The following RNASET2 variants were observed in gnomAD, a reference collection of about 807,000 sequenced individuals.
RNASET2 encodes ribonuclease T2.
A neutral mutation model predicts 33.9 loss-of-function variants in RNASET2; 28 were observed. That is an observed-to-expected ratio of 0.83 (90% confidence interval 0.61 to 1.13). The LOEUF (loss-of-function observed/expected upper bound fraction) is 1.13. RNASET2 is among the 50% of genes most tolerant of loss of function. RNASET2 has a pLI of 0.00. For synonymous variants in RNASET2, 123 were observed against 121.0 expected (o/e 1.02, Z -0.11); for missense variants, 330 against 319.9 (o/e 1.03, Z -0.24).
At chr6:166,943,297 A>G in intron 4 of RNASET2, 1 of 475,828 alleles carries the variant, frequency 2.1e-6, no homozygotes, top group Non-Finnish European at 3.9e-6. Flanking sequence ...AAAACTGCAC[A>G]CGAAAATACA....
At chr6:166,940,707 T>C (rs1200278262) in intron 5 of RNASET2, among the ~76,000 whole-genome samples, 1 of 152,126 alleles carries the variant, frequency 6.6e-6, no homozygotes, top group Non-Finnish European at 1.5e-5. Context: ...TTCATGGAGC[T>C]CACAGCATTC....
intron 7 of RNASET2, chr6:166,932,839 A>G (rs1172763017): frequency 1.3e-5 from 2 of 152,100 alleles, no homozygotes; most frequent in East Asian, 1.9e-4. Context: ...TCCCTCATCT[A>G]TTCGCACATG....
Position 166,939,030 on chromosome 6 carries a change from T to G in RNASET2, c.333-22A>C, listed in dbSNP as rs376170813. On this transcript the variant is annotated intron_variant, in intron 5 of 8. Transcript: ENST00000508775. The stretch of plus-strand genomic sequence containing the variant: ...CTTCCTGTGAGGATTAGGAAAAATC[T>G]CCACTTAAAAGTAGTGAAACAGGCT... The G allele has an allele frequency of 8.3e-6, 13 of 1,574,766 alleles. No individual in the cohort carries two copies. In the African/African-American group the frequency reaches 1.6e-4, roughly 20 times the overall value.
intron 1 of RNASET2, among the ~76,000 whole-genome samples, chr6:166,953,957 T>C (rs145470061): frequency 5.3e-5 from 8 of 151,572 alleles, no homozygotes; most frequent in African/African-American, 1.9e-4. Context: ...GTGAAAAACC[T>C]TATTTTACAT....
chr6:166,955,483 C>T, intron 1 of RNASET2: 5 of 986,842 alleles, frequency 5.1e-6, no homozygotes, highest in Non-Finnish European at 6.0e-6. Flanking sequence ...AGAGGAAGAA[C>T]CGTCGTTTCA....
intron 1 of RNASET2, chr6:166,955,410 C>G (rs1184732112): frequency 1.1e-5 from 7 of 636,290 alleles, no homozygotes; most frequent in Non-Finnish European, 1.1e-5. Context: ...CACACACACG[C>G]GCACACACAC....
At chr6:166,943,565 G>A in intron 4 of RNASET2, 1 of 331,060 alleles carries the variant, frequency 3.0e-6, no homozygotes, top group Non-Finnish European at 5.9e-6. Context: ...GGGGAGGTAT[G>A]GCTCAGGGGG....
At position 166,946,787 on chromosome 6, in the gene RNASET2, T is replaced by C. The variant is rs751770975; in HGVS notation, c.204-48A>G. 5.1e-6 allele frequency: 6 copies of C among 1,169,268 alleles called. No homozygotes were observed. The African/African-American group carries it at 9.1e-5, about 18-fold the overall frequency. The allele number at this position is 1,169,268 out of a possible 1,614,324, so 72.4% of individuals were successfully genotyped here. ...GAAAATAAGAAATATTAGGCTTGGTTGGGGTGGCTTCTACATGACCTTAGA... is the reference window on the plus strand; with the variant it reads ...GAAAATAAGAAATATTAGGCTTGGTCGGGGTGGCTTCTACATGACCTTAGA... On this transcript the variant is annotated intron_variant, in intron 3 of 8. Transcript: ENST00000508775.
At position 166,926,545 on chromosome 6, in the gene RNASET2, A is replaced by AG. The variant is rs981927635; in HGVS notation, c.*3042_*3043insC. Among the ~76,000 whole-genome samples, 3 of 148,390 alleles carry AG rather than the reference A, an allele frequency of 2.0e-5. No individual in the cohort carries two copies. Among genetic ancestry groups the AG allele is most frequent in the Non-Finnish European group, 4.4e-5 (3 of 67,678 alleles). On this transcript the variant is annotated 3_prime_UTR_variant, in exon 9 of 9. Coordinates refer to ENST00000508775, the MANE Select transcript of RNASET2 (RefSeq NM_003730.6). ...TGAGACTCAGTCTCAAAAAAAAAAA[A>AG]AAAGAAAAGAAAAGAAAAGATATCT...
At chr6:166,934,167 A>G (rs761898019) in intron 6 of RNASET2, 31 bp from the exon 7 acceptor site, 1 of 1,392,162 alleles carries the variant, frequency 7.2e-7, no homozygotes, top group South Asian at 1.2e-5. Flanking sequence ...AGTTAGCTGT[A>G]TAATGAAGGT....
rs1172482166 is a variant in RNASET2, at chr6:166,925,852, T to C, written c.*3736A>G. Among the ~76,000 whole-genome samples the C allele has an allele frequency of 6.6e-6, 1 of 152,060 alleles. No individual in the cohort carries two copies. Among genetic ancestry groups the C allele is most frequent in the Non-Finnish European group, 1.5e-5 (1 of 67,998 alleles). Reference sequence around the variant, plus strand: ...CGCGGAGAATCCAGGCACAAGGAAGTGCTAAGCAGAGCCCTCATGGGCTGT... The same window carrying C: ...CGCGGAGAATCCAGGCACAAGGAAGCGCTAAGCAGAGCCCTCATGGGCTGT... On this transcript the variant is annotated 3_prime_UTR_variant, in exon 9 of 9. Transcript: ENST00000508775.
chr6:166,948,600 G>A lies in RNASET2; in HGVS notation c.173C>T (p.Pro58Leu), dbSNP rs1258289810. Reference sequence around the variant, plus strand: ...TCCATGTATTGTCCAGTAATCCGGAGGGTCTCTACAGTCGTTTTGAATTTT... The same window carrying A: ...TCCATGTATTGTCCAGTAATCCGGAAGGTCTCTACAGTCGTTTTGAATTTT... ...CEKIQNDCRD[P>L]PDYWTIHGLW... is the part of the protein sequence containing the mutation. Residue 58 changes from proline (P) to leucine (L), a missense_variant, in exon 3 of 9, where the codon CCT becomes CTT. Physicochemically the swap from Pro to Leu is moderately conservative, Grantham distance 98. Coordinates refer to ENST00000508775, the MANE Select transcript of RNASET2 (RefSeq NM_003730.6). 1 of 1,601,220 alleles carries A rather than the reference G, an allele frequency of 6.2e-7. No individual in the cohort carries two copies. The highest frequency in any genetic ancestry group is 8.6e-7 in the Non-Finnish European group (1 of 1,169,116).
At chr6:166,955,997 G>C (rs1477525770) in intron 1 of RNASET2, 100 bp downstream of exon 1, 2 of 1,273,446 alleles carry the variant, frequency 1.6e-6, no homozygotes, top group Non-Finnish European at 2.2e-6. Flanking sequence ...GCTGCCCGGG[G>C]CTCAGCGACC....
intron 6 of RNASET2, among the ~76,000 whole-genome samples, chr6:166,935,459 T>A (rs1023517185): frequency 2.6e-5 from 4 of 152,024 alleles, no homozygotes; most frequent in African/African-American, 4.8e-5. Flanking sequence ...GAGAGAAAGA[T>A]GTGGGGAAAT....
intron 4 of RNASET2, among the ~76,000 whole-genome samples, chr6:166,944,921 C>T (rs1778792296): frequency 1.3e-5 from 2 of 149,124 alleles, no homozygotes; most frequent in African/African-American, 2.5e-5. Flanking sequence ...GTCAGCCCTG[C>T]CCCCTCACCC....
At chr6:166,955,309 A>ACGCACAGACGCG (rs1583240193) in intron 1 of RNASET2, among the ~76,000 whole-genome samples, 1 of 33,542 alleles carries the variant, frequency 3.0e-5, no homozygotes, top group East Asian at 1.2e-3. Flanking sequence ...CGCACACACG[A>ACGCACAGACGCG]CACACACGCA....
chr6:166,955,239 GCACACA>G (rs771648564), intron 1 of RNASET2, among the ~76,000 whole-genome samples: 6 of 66,260 alleles, frequency 9.1e-5, no homozygotes, highest in African/African-American at 3.3e-4. Flanking sequence ...ACGCACGCAC[GCACACA>G]CACGCACACA....
intron 1 of RNASET2, among the ~76,000 whole-genome samples, chr6:166,954,959 C>T (rs1369302396): frequency 6.6e-6 from 1 of 152,060 alleles, no homozygotes. Context: ...CCACTGTACT[C>T]CAGCCTGAGT....
intron 7 of RNASET2, chr6:166,932,148 C>G (rs1778461247): frequency 6.5e-6 from 1 of 152,770 alleles, no homozygotes; most frequent in Non-Finnish European, 1.5e-5. Flanking sequence ...ACCTCTGCCT[C>G]TCCCATCCCC....
Sources: allele counts gnomAD v4.1 joint callset (sites outside exome capture counted in the v4.1 genomes callset), GRCh38; gene constraint gnomAD v4.1.1; transcripts MANE v1.5; gene names NCBI Gene and HGNC (gene_info 2026-07-23, HGNC 2026-07-21).